Variants in ANKS1B observed in about 807,000 individuals in gnomAD.
ANKS1B encodes ankyrin repeat and sterile alpha motif domain-containing protein 1B.
A neutral mutation model predicts 148.3 loss-of-function variants in ANKS1B; 36 were observed. That is an observed-to-expected ratio of 0.24 (90% confidence interval 0.19 to 0.32). The LOEUF (loss-of-function observed/expected upper bound fraction) is 0.32, where lower values mean the gene tolerates loss of function less well. Ranked by LOEUF, ANKS1B falls within the 10% of genes least tolerant of loss-of-function variation. The pLI, the probability that ANKS1B is intolerant of heterozygous loss-of-function variation, is 1.00. For synonymous variants in ANKS1B, 542 were observed against 560.8 expected (o/e 0.97, Z 0.47); for missense variants, 1,157 against 1,542.6 (o/e 0.75, Z 4.19).
At chr12:99,655,311 A>T in intron 8 of ANKS1B, 101 bp from the exon 9 acceptor site, 2 of 1,072,230 alleles carry the variant, frequency 1.9e-6, no homozygotes, top group East Asian at 2.6e-5. Context: ...ATCTCGGCAA[A>T]CAAGTCAGCT....
chr12:99,244,612 C>G (rs773639841), intron 13 of ANKS1B, among the ~76,000 whole-genome samples, 198 bp from the exon 14 acceptor site: 2 of 152,086 alleles, frequency 1.3e-5, no homozygotes, highest in Non-Finnish European at 2.9e-5. Flanking sequence ...AAGTATGTTC[C>G]CCTTTCTTAA....
chr12:99,728,573 G>A (rs546535558), intron 8 of ANKS1B, among the ~76,000 whole-genome samples: 4 of 152,156 alleles, frequency 2.6e-5, no homozygotes, highest in East Asian at 1.9e-4. Context: ...ATGGCAATTC[G>A]TCAAGGATCT....
intron 17 of ANKS1B, among the ~76,000 whole-genome samples, chr12:98,965,084 C>G (rs181006153): frequency 3.9e-4 from 59 of 152,046 alleles, no homozygotes; most frequent in African/African-American, 1.4e-3. Flanking sequence ...AATATATACA[C>G]CTACTACATA....
intron 10 of ANKS1B, 76 bp downstream of exon 10, chr12:99,504,400 C>CA: frequency 6.8e-7 from 1 of 1,474,800 alleles, no homozygotes; most frequent in Non-Finnish European, 9.2e-7. Flanking sequence ...AGTAGGAAAC[C>CA]AAAATGTTAA....
intron 9 of ANKS1B, among the ~76,000 whole-genome samples, chr12:99,611,903 C>T (rs894799439): frequency 2.6e-5 from 4 of 152,038 alleles, no homozygotes; most frequent in East Asian, 1.9e-4. Context: ...TTTATAACTC[C>T]TCCATTATTC....
chr12:99,726,852 T>C (rs1032564558), intron 8 of ANKS1B, among the ~76,000 whole-genome samples: 1 of 152,082 alleles, frequency 6.6e-6, no homozygotes, highest in African/African-American at 2.4e-5. Flanking sequence ...AATCAATACA[T>C]GTACTCCATC....
intron 1 of ANKS1B, among the ~76,000 whole-genome samples, chr12:99,965,377 A>G (rs2095472350): frequency 6.6e-6 from 1 of 152,236 alleles, no homozygotes; most frequent in African/African-American, 2.4e-5. Context: ...GCAAACCATG[A>G]GTCCACACTG....
intron 8 of ANKS1B, among the ~76,000 whole-genome samples, chr12:99,684,217 A>G (rs1374113539): frequency 1.1e-4 from 16 of 152,052 alleles, no homozygotes; most frequent in Admixed American, 9.2e-4. Flanking sequence ...AAGTATAAAG[A>G]CTGATCCAAA....
At chr12:99,091,747 C>A (rs1176178678) in intron 15 of ANKS1B, among the ~76,000 whole-genome samples, 1 of 152,124 alleles carries the variant, frequency 6.6e-6, no homozygotes. Context: ...CTTACTGTGT[C>A]AGGCACTGTT....
At chr12:99,814,898 A>C (rs2068904305) in intron 2 of ANKS1B, among the ~76,000 whole-genome samples, 1 of 151,956 alleles carries the variant, frequency 6.6e-6, no homozygotes, top group Admixed American at 6.6e-5. Flanking sequence ...AGCATTTAAA[A>C]GGCAAAATAA....
chr12:99,726,318 C>T (rs1457494612), intron 8 of ANKS1B, among the ~76,000 whole-genome samples: 3 of 152,246 alleles, frequency 2.0e-5, no homozygotes, highest in South Asian at 2.1e-4. Context: ...ACTTATCCCA[C>T]AGAAATACAA....
intron 11 of ANKS1B, among the ~76,000 whole-genome samples, chr12:99,416,856 A>AT (rs58750039): frequency 0.07 from 10,652 of 151,476 alleles, 1,152 homozygotes; most frequent in African/African-American, 0.23. Context: ...AATGAAGTAC[A>AT]TTTTTTTTTA....
intron 1 of ANKS1B, among the ~76,000 whole-genome samples, chr12:99,902,620 T>C (rs1397370042): frequency 6.6e-6 from 1 of 152,136 alleles, no homozygotes; most frequent in Non-Finnish European, 1.5e-5. Flanking sequence ...GGATGATTTC[T>C]AGGTTACTTG....
chr12:99,099,213 G>A (rs2057259366), intron 15 of ANKS1B, among the ~76,000 whole-genome samples: 1 of 152,336 alleles, frequency 6.6e-6, no homozygotes, highest in South Asian at 2.1e-4. Flanking sequence ...GCCCATCCCT[G>A]CCCTAACAGG....
chr12:99,453,106 T>C (rs138061180), intron 10 of ANKS1B, among the ~76,000 whole-genome samples: 2,628 of 152,112 alleles, frequency 0.017, 20 homozygotes, highest in Non-Finnish European at 0.024. Flanking sequence ...CTGGCTAACA[T>C]GGTGAAACCC....
At chr12:99,286,660 C>T (rs917941118) in intron 12 of ANKS1B, among the ~76,000 whole-genome samples, 6 of 152,126 alleles carry the variant, frequency 3.9e-5, no homozygotes, top group Non-Finnish European at 7.3e-5. Flanking sequence ...CCATCCTGGG[C>T]CAGAGTGAAG....
chr12:99,247,553 C>T (rs570789522), intron 12 of ANKS1B, among the ~76,000 whole-genome samples: 1 of 152,224 alleles, frequency 6.6e-6, no homozygotes. Context: ...TTTCTTTCTT[C>T]TCTGAAACGG....
At chr12:99,562,988 C>T (rs1255503427) in intron 9 of ANKS1B, among the ~76,000 whole-genome samples, 1 of 152,130 alleles carries the variant, frequency 6.6e-6, no homozygotes, top group Non-Finnish European at 1.5e-5. Context: ...TTCTTTTAAC[C>T]TCATGAACCA....
intron 16 of ANKS1B, among the ~76,000 whole-genome samples, chr12:99,076,256 A>T (rs2047840700): frequency 6.6e-6 from 1 of 152,174 alleles, no homozygotes; most frequent in African/African-American, 2.4e-5. Flanking sequence ...TGCTCATATG[A>T]AGGTGATAGC....
Sources: allele counts gnomAD v4.1 joint callset (sites outside exome capture counted in the v4.1 genomes callset), GRCh38; gene constraint gnomAD v4.1.1; transcripts MANE v1.5; gene names NCBI Gene and HGNC (gene_info 2026-07-23, HGNC 2026-07-21).